Variants in PLEKHM2 observed in about 807,000 individuals in gnomAD.
PLEKHM2 encodes pleckstrin homology domain-containing family M member 2.
PLEKHM2 carries 77 observed loss-of-function variants against 116.3 expected under a neutral mutation model. The ratio of observed to expected loss-of-function variants is 0.66; its 90% CI spans 0.55 to 0.80. The LOEUF is 0.80. Among genes scored for constraint, PLEKHM2 ranks in the 30% least tolerant of loss-of-function variants. The pLI is 0.00. For missense variants in PLEKHM2, 1,183 were observed against 1,354.9 expected (o/e 0.87, Z 1.99); for synonymous variants, 562 against 571.0 (o/e 0.98, Z 0.22).
At chr1:15,696,643 G>A (rs936983187) in intron 1 of PLEKHM2, among the ~76,000 whole-genome samples, 1 of 152,204 alleles carries the variant, frequency 6.6e-6, no homozygotes, top group Non-Finnish European at 1.5e-5. Context: ...GAGCCACCGC[G>A]CCTGGGCACA....
rs780336784 is a variant in PLEKHM2 at position 15,727,275 on chromosome 1, C to G, written c.1203C>G (p.Thr401=). ...TGCTGATCCCTGAGATGAAGGACAC[C>G]TCCATGGAGCGCTTGGGGCAGCCCC... ...PGLLIPEMKD[T]SMERLGQPLS... is the part of the protein sequence containing the mutation. Residue 401 remains threonine, a synonymous_variant, in exon 9 of 20, where the codon ACC becomes ACG. Coordinates refer to ENST00000375799, the MANE Select transcript of PLEKHM2 (RefSeq NM_015164.4). The surrounding 1 kb of genome is among the most constrained non-coding windows in gnomAD (Gnocchi z 7.5). The G allele has an allele frequency of 3.1e-6, 5 of 1,605,712 alleles. No homozygotes were observed. In the African/African-American group the frequency reaches 6.7e-5, roughly 21 times the overall value.
chr1:15,725,224 A>C (rs987029948), intron 7 of PLEKHM2, 93 bp from the exon 8 acceptor site: 3 of 881,018 alleles, frequency 3.4e-6, no homozygotes, highest in African/African-American at 3.3e-5. Flanking sequence ...GGAACTGGCC[A>C]GCCTGCCTCC....
At chr1:15,683,938 G>A (rs1640700795), upstream of PLEKHM2, among the ~76,000 whole-genome samples, 1 of 150,264 alleles carries the variant, frequency 6.7e-6, no homozygotes, top group African/African-American at 2.5e-5. Context: ...GAGGGTCTCC[G>A]AGGAGGGCCG....
chr1:15,714,768 A>T (rs866701407), intron 1 of PLEKHM2, among the ~76,000 whole-genome samples: 1 of 152,212 alleles, frequency 6.6e-6, no homozygotes, highest in Admixed American at 6.5e-5. Context: ...TGAGATCAGG[A>T]TCAGGCATCT....
At position 15,732,678 on chromosome 1, in the gene PLEKHM2, C is replaced by T; in HGVS notation, c.2872C>T (p.Leu958=). 21 of 1,610,922 alleles carry T rather than the reference C, an allele frequency of 1.3e-5. No homozygotes were observed. The highest frequency in any genetic ancestry group is 1.7e-5 in the Non-Finnish European group (20 of 1,178,714). ...CATCTACCTGAGCTGCACTTCTGAA[C>T]TGGACCGATTGCTGTCTGCACTGAA... is the stretch of plus-strand genomic sequence containing the variant. ...WVIYLSCTSE[L]DRLLSALNSG... is the part of the protein sequence containing the mutation. The change falls in exon 19 of 20, where the codon CTG becomes TTG. Residue 958 remains leucine, a synonymous_variant. Coordinates refer to ENST00000375799, the MANE Select transcript of PLEKHM2 (RefSeq NM_015164.4).
At chr1:15,733,771 T>C in intron 19 of PLEKHM2, 26 bp from the exon 20 acceptor site, 1 of 1,609,684 alleles carries the variant, frequency 6.2e-7, no homozygotes, top group Non-Finnish European at 8.5e-7. Flanking sequence ...GTGGCCCTCA[T>C]CTGTTCTCTG....
intron 1 of PLEKHM2, among the ~76,000 whole-genome samples, chr1:15,709,695 T>C (rs1260485767): frequency 6.6e-6 from 1 of 152,228 alleles, no homozygotes; most frequent in Non-Finnish European, 1.5e-5. Context: ...CTTTGTACTG[T>C]ACTTTTTGCA....
chr1:15,731,812 C>A, intron 16 of PLEKHM2, 77 bp from the exon 17 acceptor site: 1 of 1,327,754 alleles, frequency 7.5e-7, no homozygotes, highest in East Asian at 2.5e-5. Flanking sequence ...CCGCACACCC[C>A]GCACCAACCC....
chr1:15,726,340 C>T (rs1011391690), intron 8 of PLEKHM2, among the ~76,000 whole-genome samples: 5 of 152,202 alleles, frequency 3.3e-5, no homozygotes, highest in African/African-American at 1.2e-4. Flanking sequence ...TCCCCGACCC[C>T]CTCTTAAAAC....
chr1:15,699,591 A>G (rs1235264739), intron 1 of PLEKHM2, among the ~76,000 whole-genome samples: 1 of 152,166 alleles, frequency 6.6e-6, no homozygotes, highest in Non-Finnish European at 1.5e-5. Flanking sequence ...CCAGTCTATC[A>G]TTGATGGACA....
In PLEKHM2 at chr1:15,728,749, G is replaced by A. The variant is rs758536871; in HGVS notation, c.1986+16G>A. 3.8e-5 allele frequency: 61 copies of A among 1,597,076 alleles called. 1 individual carries two copies. Among genetic ancestry groups the A allele is most frequent in the East Asian group, 2.0e-4 (9 of 44,358 alleles). On this transcript the variant is annotated intron_variant, in intron 12 of 19. Coordinates refer to ENST00000375799, the MANE Select transcript of PLEKHM2 (RefSeq NM_015164.4). This position sits in a 1 kb window ranked among gnomAD's most constrained non-coding sequence, Gnocchi z 5.9. ...CTATGTGTCGGTGAGTCCAGGCCCC[G>A]CAGTTGTGCGCCTGCTGTAGGTACA...
chr1:15,730,065 C>T lies in PLEKHM2; in HGVS notation c.2208+136C>T, dbSNP rs566186802. The T allele has an allele frequency of 8.5e-4, 37 of 43,436 alleles. 1 individual carries two copies. Among genetic ancestry groups the T allele is most frequent in the African/African-American group, 2.3e-3 (35 of 15,310 alleles). 2.7% of individuals were successfully genotyped at this position (43,436 alleles called of 1,614,324 possible). A position where few individuals can be genotyped will look rare whatever the true frequency, so the allele number is the denominator to read the frequency against. On this transcript the variant is annotated intron_variant, in intron 14 of 19. Transcript: ENST00000375799. ...CCTACCTGGGCGGGGCGGGGCGGGG[C>T]GGGGCGGGGCGGGGCTTTCCCACCC... is the stretch of plus-strand genomic sequence containing the variant.
chr1:15,717,770 C>A, intron 3 of PLEKHM2, 123 bp from the exon 4 acceptor site: 1 of 650,748 alleles, frequency 1.5e-6, no homozygotes. Context: ...CCACCAAGCA[C>A]AAAGGCCACT....
chr1:15,702,717 C>CTTT (rs34226783), intron 1 of PLEKHM2, among the ~76,000 whole-genome samples: 2 of 89,934 alleles, frequency 2.2e-5, no homozygotes, highest in African/African-American at 5.4e-5. Context: ...CGTGCCCAGC[C>CTTT]TTTTTTTTTT....
chr1:15,721,273 G>T lies in PLEKHM2; in HGVS notation c.653-56G>T. 1 of 830,512 alleles carries T rather than the reference G, an allele frequency of 1.2e-6. No individual in the cohort carries two copies. The highest frequency in any genetic ancestry group is 1.9e-6 in the Non-Finnish European group (1 of 521,302). The allele number at this position is 830,512 out of a possible 1,614,324, so 51.4% of individuals were successfully genotyped here. ...CCCCATTTCCCCTCCCCTCCCTCCA[G>T]TCATCCTTCCACTGCCTGTGTTTCT... On this transcript the variant is annotated intron_variant, in intron 6 of 19. Transcript: ENST00000375799. The surrounding 1 kb of genome is among the most constrained non-coding windows in gnomAD (Gnocchi z 5.1).
intron 7 of PLEKHM2, among the ~76,000 whole-genome samples, chr1:15,723,736 C>A (rs1316472420): frequency 1.5e-5 from 2 of 135,282 alleles, no homozygotes; most frequent in Non-Finnish European, 3.1e-5. Flanking sequence ...CACAGCGAGA[C>A]CCTGTCTCAA....
At chr1:15,722,494 G>T (rs1055382915) in intron 7 of PLEKHM2, among the ~76,000 whole-genome samples, 4 of 152,138 alleles carry the variant, frequency 2.6e-5, no homozygotes, top group African/African-American at 9.7e-5. Context: ...CTTCCAGCCT[G>T]GAACAGGGGA....
At position 15,731,185 on chromosome 1, in the gene PLEKHM2, C is replaced by T. The variant is rs1238248387; in HGVS notation, c.2400-7C>T. The T allele has an allele frequency of 6.3e-7, 1 of 1,589,918 alleles. No homozygotes were observed. Among genetic ancestry groups the T allele is most frequent in the African/African-American group, 1.3e-5 (1 of 74,380 alleles). Reference sequence around the variant, plus strand: ...GGCCTCACTCGCCCTGTGTTGTGCCCCTGCAGCAACGGGATCCTCTACCAG... The same window carrying T: ...GGCCTCACTCGCCCTGTGTTGTGCCTCTGCAGCAACGGGATCCTCTACCAG... On this transcript the variant is annotated splice_polypyrimidine_tract_variant and splice_region_variant and intron_variant, in intron 15 of 19. Coordinates refer to ENST00000375799, the MANE Select transcript of PLEKHM2 (RefSeq NM_015164.4).
chr1:15,695,455 A>T (rs1282016906), intron 1 of PLEKHM2, among the ~76,000 whole-genome samples: 1 of 152,142 alleles, frequency 6.6e-6, no homozygotes, highest in Non-Finnish European at 1.5e-5. Context: ...CAGGCCCTAC[A>T]GTTGGCATGT....
Sources: allele counts gnomAD v4.1 joint callset (sites outside exome capture counted in the v4.1 genomes callset), GRCh38; gene constraint gnomAD v4.1.1; non-coding constraint Gnocchi (gnomAD v3.1); transcripts MANE v1.5; gene names NCBI Gene and HGNC (gene_info 2026-07-23, HGNC 2026-07-21).